PDE3A: variants seen among roughly 807,000 people sequenced by gnomAD.
The protein encoded by PDE3A is cGMP-inhibited 3',5'-cyclic phosphodiesterase 3A.
PDE3A carries 43 observed loss-of-function variants against 98.3 expected under a neutral mutation model. That is an observed-to-expected ratio of 0.44 (90% CI 0.34 to 0.56). PDE3A has a LOEUF of 0.56. PDE3A is among the 20% of genes least tolerant of loss of function. The probability of loss-of-function intolerance (pLI) is 0.01; values close to 1 mark genes in which losing one functional copy is unlikely to be tolerated. For synonymous variants in PDE3A, 663 were observed against 567.9 expected (o/e 1.17, Z -2.38); for missense variants, 1,427 against 1,440.7 (o/e 0.99, Z 0.15).
chr12:20,552,174 C>A lies in PDE3A; in HGVS notation c.961-4486C>A. ...CGCTGGCTCTCAACTGCTTTGCTCC[C>A]ATCAATGACCAAGAAGGGGCCGAGG... On this transcript the variant is annotated intron_variant, in intron 1 of 15. Coordinates refer to ENST00000359062, the MANE Select transcript of PDE3A (RefSeq NM_000921.5). This position sits in a 1 kb window ranked among gnomAD's most constrained non-coding sequence, Gnocchi z 5.1. 1.2e-6 allele frequency: 2 copies of A among 1,613,818 alleles called. No individual in the cohort carries two copies. The highest frequency in any genetic ancestry group is 1.7e-6 in the Non-Finnish European group (2 of 1,179,904).
intron 2 of PDE3A, among the ~76,000 whole-genome samples, chr12:20,600,110 T>C (rs75770370): frequency 4.6e-5 from 7 of 152,176 alleles, no homozygotes; most frequent in Admixed American, 3.9e-4. Flanking sequence ...ATATTGATTA[T>C]GGCTCTAGCC....
rs11045390 is a variant in PDE3A at position 20,687,881 on chromosome 12, T to C, written c.*7610T>C. The stretch of plus-strand genomic sequence containing the variant: ...AAATGTGCTCTGATTTCTGCGGGCA[T>C]TTGTTCTGACCAGTCATTACCTCTT... On this transcript the variant is annotated 3_prime_UTR_variant, in exon 16 of 16. Transcript: ENST00000359062. Among the ~76,000 whole-genome samples, 79,009 of 141,682 alleles carry C rather than the reference T, an allele frequency of 0.56. 22,740 individuals are homozygous for C. The highest frequency in any genetic ancestry group is 0.75 in the East Asian group (3,533 of 4,734). 92.9% of individuals were successfully genotyped at this position (141,682 alleles called of 152,430 possible).
At chr12:20,462,678 G>GT (rs1565557040) in intron 1 of PDE3A, among the ~76,000 whole-genome samples, 2 of 151,844 alleles carry the variant, frequency 1.3e-5, no homozygotes, top group African/African-American at 2.4e-5. Flanking sequence ...AATGTCTGAA[G>GT]TTTTTTTATT....
rs539261549 is a variant in PDE3A at position 20,453,875 on chromosome 12, G to A, written c.960+83631G>A. On this transcript the variant is annotated intron_variant, in intron 1 of 15. Coordinates refer to ENST00000359062, the MANE Select transcript of PDE3A (RefSeq NM_000921.5). ...TACACAGTTACCATCATCTGTTGCC[G>A]GAATTATCTGTTGCCTGCTTCCACT... is the stretch of plus-strand genomic sequence containing the variant. Among the ~76,000 whole-genome samples, 12 of 152,084 alleles carry A rather than the reference G, an allele frequency of 7.9e-5. No homozygotes were observed. In the South Asian group the frequency reaches 1.5e-3, roughly 18 times the overall value.
intron 2 of PDE3A, among the ~76,000 whole-genome samples, chr12:20,567,635 T>C (rs907600297): frequency 6.6e-6 from 1 of 151,982 alleles, no homozygotes; most frequent in Non-Finnish European, 1.5e-5. Flanking sequence ...CTCCCTTTTT[T>C]CTTTTCTTTT....
intron 1 of PDE3A, among the ~76,000 whole-genome samples, chr12:20,458,162 A>AAAAGT (rs1945185172): frequency 6.6e-6 from 1 of 152,020 alleles, no homozygotes; most frequent in Non-Finnish European, 1.5e-5. Context: ...TGCTTATTGC[A>AAAAGT]AAAGTACAAA....
intron 1 of PDE3A, among the ~76,000 whole-genome samples, chr12:20,493,873 G>T (rs529735979): frequency 6.6e-6 from 1 of 152,098 alleles, no homozygotes; most frequent in Non-Finnish European, 1.5e-5. Context: ...CAGGTGATCC[G>T]CCTGCCTCGA....
intron 9 of PDE3A, among the ~76,000 whole-genome samples, chr12:20,639,433 C>G (rs976535311): frequency 6.6e-6 from 1 of 151,990 alleles, no homozygotes; most frequent in Non-Finnish European, 1.5e-5. Flanking sequence ...ATATGACTTG[C>G]TAAGTAGAAC....
chr12:20,665,022 T>G (rs563527500), intron 15 of PDE3A, among the ~76,000 whole-genome samples: 1 of 152,206 alleles, frequency 6.6e-6, no homozygotes, highest in Non-Finnish European at 1.5e-5. Flanking sequence ...TCATATTTAT[T>G]GACTTTTCTT....
rs796697247 is a variant in PDE3A at position 20,613,340 on chromosome 12, G to A, written c.1012-103G>A. 6.6e-6 allele frequency: 7 copies of A among 1,059,582 alleles called. No homozygotes were observed. In the African/African-American group the frequency reaches 1.1e-4, roughly 17 times the overall value. The allele number at this position is 1,059,582 out of a possible 1,614,324, so 65.6% of individuals were successfully genotyped here. A position where few individuals can be genotyped will look rare whatever the true frequency, so the allele number is the denominator to read the frequency against. Reference sequence around the variant, plus strand: ...AATTTTACTGTACTGAAATCCTAAAGAATCAGCCCAATTCATTTCTTAGTG... The same window carrying A: ...AATTTTACTGTACTGAAATCCTAAAAAATCAGCCCAATTCATTTCTTAGTG... On this transcript the variant is annotated intron_variant, in intron 2 of 15. Coordinates refer to ENST00000359062, the MANE Select transcript of PDE3A (RefSeq NM_000921.5).
intron 1 of PDE3A, among the ~76,000 whole-genome samples, chr12:20,499,191 T>C (rs1449749457): frequency 6.6e-6 from 1 of 152,194 alleles, no homozygotes; most frequent in Non-Finnish European, 1.5e-5. Flanking sequence ...ACCATACTCC[T>C]GTAGAATTGT....
chr12:20,452,720 A>C (rs1945087541), intron 1 of PDE3A, among the ~76,000 whole-genome samples: 1 of 152,212 alleles, frequency 6.6e-6, no homozygotes, highest in African/African-American at 2.4e-5. Flanking sequence ...ATTGTGCAAC[A>C]GTCACCCTTT....
intron 1 of PDE3A, among the ~76,000 whole-genome samples, chr12:20,404,831 T>TTTG (rs1283881131): frequency 6.8e-6 from 1 of 146,656 alleles, no homozygotes. Context: ...ACAGAGTTTT[T>TTTG]TTTTTTTTTT....
chr12:20,598,858 G>T (rs927483521), intron 2 of PDE3A, among the ~76,000 whole-genome samples: 1 of 152,152 alleles, frequency 6.6e-6, no homozygotes, highest in Non-Finnish European at 1.5e-5. Flanking sequence ...GGACATTCAT[G>T]CTGTGAATGG....
At chr12:20,589,882 A>G (rs986944553) in intron 2 of PDE3A, among the ~76,000 whole-genome samples, 2 of 151,710 alleles carry the variant, frequency 1.3e-5, no homozygotes, top group South Asian at 4.2e-4. Flanking sequence ...AAAAAAAAAA[A>G]AAAAAAAGAA....
intron 15 of PDE3A, among the ~76,000 whole-genome samples, chr12:20,662,002 G>T: frequency 6.6e-6 from 1 of 152,252 alleles, no homozygotes; most frequent in East Asian, 1.9e-4. Flanking sequence ...GCCCATGAAA[G>T]CATCCATGAG....
chr12:20,654,547 C>A (rs10743387), intron 15 of PDE3A, among the ~76,000 whole-genome samples: 103,939 of 151,716 alleles, frequency 0.69, 35,847 homozygotes, highest in East Asian at 0.8. Context: ...CCCAGGCTGG[C>A]GTGCAGTGGC....
At position 20,684,118 on chromosome 12, in the gene PDE3A, C is replaced by T. The variant is rs1269437345; in HGVS notation, c.*3847C>T. On this transcript the variant is annotated 3_prime_UTR_variant, in exon 16 of 16. Coordinates refer to ENST00000359062, the MANE Select transcript of PDE3A (RefSeq NM_000921.5). ...GAAATTATTAATTTATAAAAGTGAACTAATTGTGTGATTATCAAATCCTGA... is the reference window on the plus strand; with the variant it reads ...GAAATTATTAATTTATAAAAGTGAATTAATTGTGTGATTATCAAATCCTGA... The T allele has an allele frequency of 6.6e-6, 1 of 151,986 alleles. No homozygotes were observed. The highest frequency in any genetic ancestry group is 1.5e-5 in the Non-Finnish European group (1 of 67,956). 9.4% of individuals were successfully genotyped at this position (151,986 alleles called of 1,614,324 possible). A position where few individuals can be genotyped will look rare whatever the true frequency, so the allele number is the denominator to read the frequency against.
At chr12:20,493,251 G>A (rs1345803443) in intron 1 of PDE3A, among the ~76,000 whole-genome samples, 1 of 151,998 alleles carries the variant, frequency 6.6e-6, no homozygotes, top group Non-Finnish European at 1.5e-5. Flanking sequence ...TTCTCTGTCT[G>A]TATATGTACA....
Sources: allele counts gnomAD v4.1 joint callset (sites outside exome capture counted in the v4.1 genomes callset), GRCh38; gene constraint gnomAD v4.1.1; non-coding constraint Gnocchi (gnomAD v3.1); transcripts MANE v1.5; gene names NCBI Gene and HGNC (gene_info 2026-07-23, HGNC 2026-07-21).